Variants in ARL8B observed in about 807,000 individuals in gnomAD.
The protein encoded by ARL8B is ADP-ribosylation factor-like protein 8B.
A neutral mutation model predicts 30.6 loss-of-function variants in ARL8B; 9 were observed. That is an observed-to-expected ratio of 0.29 (90% CI 0.18 to 0.51). The LOEUF (loss-of-function observed/expected upper bound fraction) is 0.51. ARL8B is among the 20% of genes least tolerant of loss of function. The pLI, the probability that ARL8B is intolerant of heterozygous loss-of-function variation, is 0.97. For synonymous variants in ARL8B, 74 were observed against 76.0 expected, an observed-to-expected ratio of 0.97 and a Z score of 0.14; for missense variants, 130 against 227.2, an observed-to-expected ratio of 0.57 and a Z score of 2.75.
At chr3:5,145,167 T>C (rs936332320) in intron 1 of ARL8B, among the ~76,000 whole-genome samples, 4 of 152,214 alleles carry the variant, frequency 2.6e-5, no homozygotes, top group South Asian at 4.2e-4. Flanking sequence ...TAAGGTCAGG[T>C]TTAGCTTTGA....
At chr3:5,159,640 A>G (rs2054564381) in intron 1 of ARL8B, among the ~76,000 whole-genome samples, 1 of 151,530 alleles carries the variant, frequency 6.6e-6, no homozygotes, top group Non-Finnish European at 1.5e-5. Context: ...AAAAGAAAAA[A>G]GACTGAAGGA....
intron 1 of ARL8B, among the ~76,000 whole-genome samples, chr3:5,148,279 C>T (rs936794185): frequency 6.6e-6 from 1 of 152,170 alleles, no homozygotes; most frequent in South Asian, 2.1e-4. Flanking sequence ...GGAGCATTTA[C>T]AAAGCCAATA....
intron 6 of ARL8B, among the ~76,000 whole-genome samples, chr3:5,175,011 A>T (rs2054716324): frequency 6.6e-6 from 1 of 151,696 alleles, no homozygotes; most frequent in Non-Finnish European, 1.5e-5. Context: ...ATGTTGCCCA[A>T]GCTGGTCTTG....
At chr3:5,124,477 T>A (rs142693593) in intron 1 of ARL8B, among the ~76,000 whole-genome samples, 5 of 151,930 alleles carry the variant, frequency 3.3e-5, no homozygotes, top group African/African-American at 1.2e-4. Flanking sequence ...TTTTCTTTTC[T>A]TTTTTGGAGA....
intron 1 of ARL8B, chr3:5,157,903 TG>T (rs1373831449): frequency 1.3e-5 from 2 of 152,094 alleles, no homozygotes; most frequent in African/African-American, 4.8e-5. Context: ...CCAGATAGAT[TG>T]TGCTTCAAGT....
chr3:5,125,201 G>A (rs1482488082), intron 1 of ARL8B, among the ~76,000 whole-genome samples: 1 of 152,180 alleles, frequency 6.6e-6, no homozygotes, highest in African/African-American at 2.4e-5. Flanking sequence ...GGGATTAAAT[G>A]ACATGAAAGA....
intron 1 of ARL8B, among the ~76,000 whole-genome samples, chr3:5,162,647 C>T (rs760159556): frequency 1.3e-4 from 20 of 152,112 alleles, no homozygotes; most frequent in Non-Finnish European, 2.2e-4. Context: ...AATTTTTGCA[C>T]GCTACTTAAT....
intron 1 of ARL8B, among the ~76,000 whole-genome samples, chr3:5,123,070 G>C (rs1051839403): frequency 6.6e-6 from 1 of 152,162 alleles, no homozygotes; most frequent in African/African-American, 2.4e-5. Flanking sequence ...TTGTGAAAGC[G>C]GGAGACCAGT....
At chr3:5,164,083 A>G (rs2054604214) in intron 1 of ARL8B, among the ~76,000 whole-genome samples, 1 of 152,172 alleles carries the variant, frequency 6.6e-6, no homozygotes, top group Admixed American at 6.5e-5. Context: ...CACATATGAA[A>G]AGTTGTTCCC....
At chr3:5,150,315 T>G (rs2054468931) in intron 1 of ARL8B, among the ~76,000 whole-genome samples, 1 of 151,618 alleles carries the variant, frequency 6.6e-6, no homozygotes, top group South Asian at 2.1e-4. Context: ...ATACAAAAAT[T>G]AGCCAGGCGT....
intron 1 of ARL8B, among the ~76,000 whole-genome samples, chr3:5,127,311 A>G (rs552904621): frequency 4.6e-5 from 7 of 152,242 alleles, no homozygotes; most frequent in Non-Finnish European, 1.0e-4. Context: ...TTAGAACCAT[A>G]GAACTGTGGA....
chr3:5,127,232 C>T (rs933380161), intron 1 of ARL8B, among the ~76,000 whole-genome samples: 2 of 152,152 alleles, frequency 1.3e-5, no homozygotes, highest in African/African-American at 4.8e-5. Context: ...TAATTCGTAG[C>T]AGAGATAGAA....
intron 1 of ARL8B, among the ~76,000 whole-genome samples, chr3:5,164,031 A>G (rs980902102): frequency 6.6e-6 from 1 of 152,204 alleles, no homozygotes; most frequent in Admixed American, 6.5e-5. Context: ...CCCCCTCTGT[A>G]TATCAAAATC....
chr3:5,150,449 C>G (rs1347869000), intron 1 of ARL8B, among the ~76,000 whole-genome samples: 1 of 104,008 alleles, frequency 9.6e-6, no homozygotes, highest in African/African-American at 4.8e-5. Context: ...GGTGACAGAG[C>G]GAGAATCCAT....
At chr3:5,168,178 A>G (rs781707627) in intron 1 of ARL8B, among the ~76,000 whole-genome samples, 4 of 152,074 alleles carry the variant, frequency 2.6e-5, no homozygotes, top group Admixed American at 6.5e-5. Flanking sequence ...GGCTCAAGCA[A>G]TCCTCCCACC....
chr3:5,173,037 G>A (rs1484266280), intron 4 of ARL8B, among the ~76,000 whole-genome samples: 1 of 152,160 alleles, frequency 6.6e-6, no homozygotes, highest in Admixed American at 6.5e-5. Context: ...ATGGTTTAGT[G>A]GGAAAGGTAG....
intron 1 of ARL8B, among the ~76,000 whole-genome samples, chr3:5,128,131 C>T (rs1004859297): frequency 5.5e-5 from 8 of 145,936 alleles, no homozygotes; most frequent in South Asian, 4.3e-4. Context: ...CGACTGCACT[C>T]CAGCCTGGGC....
chr3:5,151,607 A>C (rs1006001966), intron 1 of ARL8B, among the ~76,000 whole-genome samples: 3 of 152,116 alleles, frequency 2.0e-5, no homozygotes, highest in Non-Finnish European at 4.4e-5. Flanking sequence ...GGTTGTTTCC[A>C]GATAGCTTTA....
rs375903438 is a variant in ARL8B, at chr3:5,139,987, GT to G, written c.123+17416del. ...CACTACACAAGATGTGATTAGTTTT[GT>G]TTTTTTTTTTTTTTTTGAGACGGAG... is the stretch of plus-strand genomic sequence containing the variant. On this transcript the variant is annotated intron_variant, in intron 1 of 6. Coordinates refer to ENST00000256496, the MANE Select transcript of ARL8B (RefSeq NM_018184.3). Among the ~76,000 whole-genome samples, 294 of 130,006 alleles carry G rather than the reference GT, an allele frequency of 2.3e-3. 2 individuals carry two copies. Among genetic ancestry groups the G allele is most frequent in the Admixed American group, 0.012 (157 of 12,884 alleles). 85.3% of individuals were successfully genotyped at this position (130,006 alleles called of 152,430 possible).
Sources: allele counts gnomAD v4.1 joint callset (sites outside exome capture counted in the v4.1 genomes callset), GRCh38; gene constraint gnomAD v4.1.1; transcripts MANE v1.5; gene names NCBI Gene and HGNC (gene_info 2026-07-23, HGNC 2026-07-21).